ITGA10: variants seen among roughly 807,000 people sequenced by gnomAD.
ITGA10 encodes integrin subunit alpha 10, also known as integrin alpha-10.
In ITGA10, 105 loss-of-function variants were observed where a neutral mutation model predicts 145.2. The observed-to-expected ratio is 0.72, with a 90% CI of 0.62 to 0.85. ITGA10 has a LOEUF of 0.85. ITGA10 is among the 40% of genes least tolerant of loss of function. ITGA10 has a pLI of 0.00. For synonymous variants in ITGA10, 506 were observed against 557.8 expected (o/e 0.91, Z 1.31); for missense variants, 1,317 against 1,444.5 (o/e 0.91, Z 1.43).
At position 145,907,419 on chromosome 1, in the gene ITGA10, G is replaced by A; in HGVS notation, c.99C>T (p.Phe33=). The change falls in exon 2 of 30, where the codon TTC becomes TTT. Residue 33 remains phenylalanine, a synonymous_variant. Coordinates refer to ENST00000369304, the MANE Select transcript of ITGA10 (RefSeq NM_003637.5). ...CAAATTCAGCTTCTGGTGGCCCTGG[G>A]AATAGGCGTGGGTGATGTTCATCCA... is the stretch of plus-strand genomic sequence containing the variant. ...FNLDEHHPRL[F]PGPPEAEFGY... 1 of 1,614,170 alleles carries A rather than the reference G, an allele frequency of 6.2e-7. No homozygotes were observed.
Position 145,901,139 on chromosome 1 carries a change from C to A in ITGA10, c.1583G>T (p.Gly528Val), listed in dbSNP as rs1461211518. 1 of 1,613,912 alleles carries A rather than the reference C, an allele frequency of 6.2e-7. No homozygotes were observed. The highest frequency in any genetic ancestry group is 1.3e-5 in the African/African-American group (1 of 74,882). ...GGGGGTCCCAGCAAGTCTCACCTGG[C>A]CTACCAGATACACATAAACACGTCC... is the stretch of plus-strand genomic sequence containing the variant. ...ETGRVYVYLV[G>V]QQSLLTLQGT... Residue 528 changes from glycine to valine, a missense_variant, in exon 13 of 30, where the codon GGC becomes GTC. Gly to Val is a moderately radical substitution (Grantham distance 109). Transcript: ENST00000369304. This position sits in a 1 kb window ranked among gnomAD's most constrained non-coding sequence, Gnocchi z 4.3.
Position 145,899,292 on chromosome 1 carries a change from C to T in ITGA10, c.1972G>A (p.Ala658Thr). The T allele has an allele frequency of 1.9e-6, 3 of 1,614,174 alleles. No individual in the cohort carries two copies. Among genetic ancestry groups the T allele is most frequent in the Non-Finnish European group, 2.5e-6 (3 of 1,180,032 alleles). Residue 658 changes from alanine (A) to threonine (T), a missense_variant, in exon 16 of 30, where the codon GCC (alanine) becomes ACC (threonine). Physicochemically the swap from Ala to Thr is moderately conservative, Grantham distance 58. Coordinates refer to ENST00000369304, the MANE Select transcript of ITGA10 (RefSeq NM_003637.5). Reference protein sequence around the residue: ...LTPSLEVTPQAISVVQRDCRR... With the variant: ...LTPSLEVTPQTISVVQRDCRR... ...CAGTCCCTCTGAACCACACTGATGGCCTGTGGGGTCACCTCCAGTGATGGG... is the reference window on the plus strand; with the variant it reads ...CAGTCCCTCTGAACCACACTGATGGTCTGTGGGGTCACCTCCAGTGATGGG...
chr1:145,909,860 TC>T (rs1657659966), intron 1 of ITGA10, 102 bp downstream of exon 1: 1 of 1,012,440 alleles, frequency 9.9e-7, no homozygotes, highest in Middle Eastern at 2.1e-4. Flanking sequence ...AGTGTTCGCT[TC>T]CTAACCTAAA....
chr1:145,904,923 C>A (rs1299844988), intron 5 of ITGA10, 112 bp from the exon 6 acceptor site: 2 of 1,099,388 alleles, frequency 1.8e-6, no homozygotes, highest in African/African-American at 1.6e-5. Context: ...TTCTTACATG[C>A]AAAGAAGGTA....
chr1:145,901,671 G>A lies in ITGA10; in HGVS notation c.1295-7C>T. ...ATGGAAGAAACAGAGTAACCTAGAA[G>A]TGGGCAAAGTAACAGAGGTAAAGGA... On this transcript the variant is annotated splice_region_variant and splice_polypyrimidine_tract_variant and intron_variant, in intron 11 of 29. Coordinates refer to ENST00000369304, the MANE Select transcript of ITGA10 (RefSeq NM_003637.5). The surrounding 1 kb of genome is among the most constrained non-coding windows in gnomAD (Gnocchi z 4.3). 1.3e-6 allele frequency: 2 copies of A among 1,554,810 alleles called. No homozygotes were observed. Among genetic ancestry groups the A allele is most frequent in the South Asian group, 1.2e-5 (1 of 81,008 alleles).
intron 1 of ITGA10, 58 bp downstream of exon 1, chr1:145,909,905 C>A: frequency 1.4e-6 from 2 of 1,457,176 alleles, no homozygotes; most frequent in Non-Finnish European, 9.6e-7. Context: ...GGTCCCAATT[C>A]CAAACAATCT....
intron 23 of ITGA10, 81 bp from the exon 24 acceptor site, chr1:145,896,433 G>A (rs1655415988): frequency 1.8e-6 from 2 of 1,082,682 alleles, no homozygotes; most frequent in East Asian, 4.7e-5. Context: ...CACAGACGTG[G>A]ATTCAGAGGA....
Position 145,900,969 on chromosome 1 carries a change from T to C in ITGA10, c.1612A>G (p.Thr538Ala). 1 of 1,614,040 alleles carries C rather than the reference T, an allele frequency of 6.2e-7. No individual in the cohort carries two copies. The highest frequency in any genetic ancestry group is 1.1e-5 in the South Asian group (1 of 91,080). ...GQQSLLTLQG[T>A]LQPEPPQDAR... ...TCCTGGGGGGGTTCTGGCTGAAGTG[T>C]TCCTTGGAGGGTCAGCAAGGACTGC... Residue 538 changes from threonine to alanine, a missense_variant, in exon 14 of 30, where the codon ACA becomes GCA. Physicochemically the swap from Thr to Ala is moderately conservative, Grantham distance 58. Transcript: ENST00000369304.
At chr1:145,907,795 G>A (rs1412444182) in intron 1 of ITGA10, among the ~76,000 whole-genome samples, 4 of 111,166 alleles carry the variant, frequency 3.6e-5, no homozygotes, top group Admixed American at 2.4e-4. Flanking sequence ...TTTTTGAGAC[G>A]GAGTCTCTCT....
intron 26 of ITGA10, 79 bp downstream of exon 26, chr1:145,895,552 C>T (rs1655264645): frequency 6.1e-6 from 9 of 1,470,134 alleles, no homozygotes; most frequent in East Asian, 2.3e-5. Flanking sequence ...TTCTTCCCCA[C>T]TCCAGTTCCT....
rs959203856 is a variant in ITGA10 at position 145,897,254 on chromosome 1, C to T, written c.2660G>A (p.Gly887Glu). ...TCCTAGACCCCAACCCACCTTGGCT[C>T]CAGTCTGGAAGACAGGATGCCCCAC... is the stretch of plus-strand genomic sequence containing the variant. ...CSVGHPVFQT[G>E]AKVTFLLEFE... The change falls in exon 21 of 30, where the codon GGA becomes GAA. Residue 887 changes from glycine to glutamate, a missense_variant. Coordinates refer to ENST00000369304, the MANE Select transcript of ITGA10 (RefSeq NM_003637.5). The T allele has an allele frequency of 8.7e-6, 14 of 1,614,082 alleles. No individual in the cohort carries two copies. Among genetic ancestry groups the T allele is most frequent in the Admixed American group, 1.7e-5 (1 of 60,024 alleles).
chr1:145,895,235 C>T, intron 27 of ITGA10, 45 bp downstream of exon 27: 1 of 1,409,736 alleles, frequency 7.1e-7, no homozygotes, highest in Non-Finnish European at 1.0e-6. Context: ...GCTAAAGTTC[C>T]AGAAAGGAGC....
intron 7 of ITGA10, among the ~76,000 whole-genome samples, 171 bp from the exon 8 acceptor site, chr1:145,903,132 T>C (rs587727539): frequency 1.3e-5 from 2 of 152,032 alleles, no homozygotes; most frequent in East Asian, 3.9e-4. Flanking sequence ...CCTGAGTATT[T>C]AACATGGAGA....
In ITGA10 at chr1:145,895,627, A is replaced by T; in HGVS notation, c.3114+4T>A. 2 of 1,614,018 alleles carry T rather than the reference A, an allele frequency of 1.2e-6. No homozygotes were observed. ...CACTCTGGACACCCCTTTGTGACTC[A>T]TACCAGTCTGTTTGTGTGTTGAAGC... On this transcript the variant is annotated splice_donor_region_variant and intron_variant, in intron 26 of 29. Transcript: ENST00000369304.
intron 2 of ITGA10, 53 bp downstream of exon 2, chr1:145,907,299 CCT>C: frequency 1.2e-6 from 2 of 1,613,626 alleles, no homozygotes; most frequent in Middle Eastern, 1.7e-4. Flanking sequence ...TCTTGCCTCC[CCT>C]TTGTTAGCAC....
Position 145,906,531 on chromosome 1 carries a change from C to G in ITGA10, c.367-23G>C, listed in dbSNP as rs1402665929. The G allele has an allele frequency of 1.9e-6, 3 of 1,603,042 alleles. No homozygotes were observed. The South Asian group carries it at 3.3e-5, about 18-fold the overall frequency. ...GGCCTGGGGATGGGGGAAATAGTTACTCCCAGGCTTGGGAGGGCACCCTCA... is the reference window on the plus strand; with the variant it reads ...GGCCTGGGGATGGGGGAAATAGTTAGTCCCAGGCTTGGGAGGGCACCCTCA... On this transcript the variant is annotated intron_variant, in intron 4 of 29. Coordinates refer to ENST00000369304, the MANE Select transcript of ITGA10 (RefSeq NM_003637.5).
At position 145,902,825 on chromosome 1, in the gene ITGA10, G is replaced by A. The variant is rs147724063; in HGVS notation, c.895C>T (p.Arg299Cys). Residue 299 changes from arginine to cysteine, a missense_variant, in exon 8 of 30, where the codon CGC (arginine) becomes TGC (cysteine). Physicochemically the swap from Arg to Cys is radical, Grantham distance 180. Coordinates refer to ENST00000369304, the MANE Select transcript of ITGA10 (RefSeq NM_003637.5). ...LKACEAGRVT[R>C]YGIAVLGHYL... ...TGAATTCTCACTGCAATCCCATAGC[G>A]TGTCACTCTTCCAGCCTCACAGGCC... The A allele has an allele frequency of 7.2e-5, 116 of 1,610,246 alleles. No homozygotes were observed. The highest frequency in any genetic ancestry group is 1.2e-4 in the African/African-American group (9 of 74,762).
chr1:145,908,711 T>C (rs1242914422), intron 1 of ITGA10, among the ~76,000 whole-genome samples: 2 of 152,190 alleles, frequency 1.3e-5, no homozygotes, highest in Non-Finnish European at 2.9e-5. Flanking sequence ...CCATTACCAA[T>C]GGCTATAGCT....
intron 1 of ITGA10, among the ~76,000 whole-genome samples, chr1:145,908,664 G>C (rs2101841882): frequency 6.6e-6 from 1 of 152,260 alleles, no homozygotes; most frequent in Non-Finnish European, 1.5e-5. Flanking sequence ...GTCTTGCTCT[G>C]TACTTCTAAG....
Sources: allele counts gnomAD v4.1 joint callset (sites outside exome capture counted in the v4.1 genomes callset), GRCh38; gene constraint gnomAD v4.1.1; non-coding constraint Gnocchi (gnomAD v3.1); transcripts MANE v1.5; gene names NCBI Gene and HGNC (gene_info 2026-07-23, HGNC 2026-07-21).